RYR3: variants seen among roughly 807,000 people sequenced by gnomAD.
RYR3 encodes the protein brain ryanodine receptor-calcium release channel.
RYR3 carries 207 observed loss-of-function variants against 584.3 expected under a neutral mutation model. The observed-to-expected ratio is 0.35, with a 90% CI of 0.32 to 0.40. RYR3 has a LOEUF of 0.40. RYR3 is among the 10% of genes least tolerant of loss of function. RYR3 has a pLI of 1.00. For missense variants in RYR3, 5,616 were observed against 6,089.2 expected (o/e 0.92, Z 2.59); for synonymous variants, 2,416 against 2,248.5 (o/e 1.07, Z -2.11).
rs563614497 is a variant in RYR3, at chr15:33,588,000, G to A, written c.1788+1884G>A. On this transcript the variant is annotated intron_variant, in intron 16 of 103. Transcript: ENST00000634891. ...TCTCTGACTAATCCACTTAGTTTTC[G>A]GTGAAGACAATGACTCAAAATATGC... Among the ~76,000 whole-genome samples the A allele has an allele frequency of 9.2e-5, 14 of 152,200 alleles. No homozygotes were observed. In the East Asian group the frequency reaches 2.1e-3, roughly 23 times the overall value.
intron 28 of RYR3, among the ~76,000 whole-genome samples, chr15:33,645,154 G>T (rs74005921): frequency 6.6e-6 from 1 of 152,154 alleles, no homozygotes; most frequent in Non-Finnish European, 1.5e-5. Context: ...GTGTTGCCAG[G>T]ATTTTAAGCT....
intron 1 of RYR3, among the ~76,000 whole-genome samples, chr15:33,406,936 A>G (rs549792875): frequency 6.6e-6 from 1 of 152,238 alleles, no homozygotes; most frequent in South Asian, 2.1e-4. Context: ...TATGCAATTT[A>G]TAAACAATAG....
chr15:33,766,575 A>C (rs532945007), intron 60 of RYR3, among the ~76,000 whole-genome samples: 4 of 152,196 alleles, frequency 2.6e-5, no homozygotes, highest in African/African-American at 9.7e-5. Flanking sequence ...TTAGATTATT[A>C]ATTCATGGAA....
At chr15:33,786,004 G>T (rs1396399397) in intron 66 of RYR3, 22 bp downstream of exon 66, 2 of 1,513,134 alleles carry the variant, frequency 1.3e-6, no homozygotes, top group East Asian at 4.6e-5. Context: ...TTTCTCCCCA[G>T]TCCCCAGCCC....
chr15:33,392,611 A>G (rs542861644), intron 1 of RYR3, among the ~76,000 whole-genome samples: 1 of 152,252 alleles, frequency 6.6e-6, no homozygotes, highest in African/African-American at 2.4e-5. Flanking sequence ...TACTCCCTGC[A>G]TCATTAACTC....
chr15:33,697,285 A>T (rs1313683215), intron 39 of RYR3, among the ~76,000 whole-genome samples: 1 of 152,152 alleles, frequency 6.6e-6, no homozygotes, highest in African/African-American at 2.4e-5. Flanking sequence ...AAATGAAGCG[A>T]CTTTTATGGG....
intron 64 of RYR3, among the ~76,000 whole-genome samples, chr15:33,777,372 C>T (rs1413489677): frequency 1.3e-5 from 2 of 152,208 alleles, no homozygotes; most frequent in Admixed American, 1.3e-4. Context: ...AGCTCAATCC[C>T]TCCTTGGGCT....
At chr15:33,454,950 A>G (rs2676085) in intron 1 of RYR3, among the ~76,000 whole-genome samples, 92,696 of 152,016 alleles carry the variant, frequency 0.61, 28,309 homozygotes, top group Middle Eastern at 0.67. Flanking sequence ...AGTTTTAAGC[A>G]ATGTAGTGAG....
chr15:33,314,773 G>A (rs1333363582), intron 1 of RYR3, among the ~76,000 whole-genome samples: 4 of 152,236 alleles, frequency 2.6e-5, no homozygotes, highest in Middle Eastern at 6.8e-3. Flanking sequence ...AATTAGCCGG[G>A]CGTGGTGGTG....
rs1762614819 is a variant in RYR3 at position 33,750,271 on chromosome 15, G to A, written c.8384G>A (p.Gly2795Asp). The stretch of plus-strand genomic sequence containing the variant: ...CTGTTTAAGTTCCTCCAAGTGAATG[G>A]CATCATAGTTTCCAGGTAAGTCACC... ...QDLFKFLQVNGIIVSRGMKDM... is the reference protein window; with the variant it reads ...QDLFKFLQVNDIIVSRGMKDM... Residue 2795 changes from glycine to aspartate, a missense_variant, in exon 57 of 104, where the codon GGC becomes GAC. Gly to Asp is a moderately conservative substitution (Grantham distance 94). This residue lies in a region of RYR3 where 1,280 missense variants were observed against 1,426.2 expected (regional missense o/e 0.90). Coordinates refer to ENST00000634891, the MANE Select transcript of RYR3 (RefSeq NM_001036.6). 8.1e-6 allele frequency: 13 copies of A among 1,610,830 alleles called. No homozygotes were observed. Among genetic ancestry groups the A allele is most frequent in the South Asian group, 1.1e-5 (1 of 90,136 alleles).
intron 43 of RYR3, chr15:33,722,449 T>C: frequency 2.1e-6 from 1 of 471,068 alleles, no homozygotes; most frequent in Non-Finnish European, 3.7e-6. Context: ...CAAAGCCACC[T>C]TTTTCTCCAT....
chr15:33,646,670 G>A, intron 29 of RYR3, 144 bp downstream of exon 29: 2 of 712,112 alleles, frequency 2.8e-6, no homozygotes, highest in Non-Finnish European at 4.6e-6. Flanking sequence ...AAATGAGAAT[G>A]TATGTGCACG....
At chr15:33,536,730 T>A (rs1054409875) in intron 5 of RYR3, among the ~76,000 whole-genome samples, 4 of 152,244 alleles carry the variant, frequency 2.6e-5, no homozygotes, top group Admixed American at 6.5e-5. Context: ...ATTGAAGTAG[T>A]ACTCACACAT....
chr15:33,499,400 CT>C (rs1346041916), intron 2 of RYR3, among the ~76,000 whole-genome samples: 1 of 151,908 alleles, frequency 6.6e-6, no homozygotes, highest in Non-Finnish European at 1.5e-5. Flanking sequence ...CACATGTTTT[CT>C]TACCTCTGGG....
At position 33,543,665 on chromosome 15, in the gene RYR3, T is replaced by A; in HGVS notation, c.690T>A (p.His230Gln). The A allele has an allele frequency of 6.2e-7, 1 of 1,613,062 alleles. No homozygotes were observed. The highest frequency in any genetic ancestry group is 8.5e-7 in the Non-Finnish European group (1 of 1,179,132). Reference protein sequence around the residue: ...GGHVVRLFHGHDECLTIPSTD... With the variant: ...GGHVVRLFHGQDECLTIPSTD... ...ATGTAGTACGTCTTTTCCATGGTCA[T>A]GATGAATGTTTGACGATACCATCTA... Residue 230 changes from histidine to glutamine, a missense_variant, in exon 8 of 104, where the codon CAT (histidine) becomes CAA (glutamine). This residue lies in a region of RYR3 where 1,284 missense variants were observed against 1,344.6 expected (regional missense o/e 0.95). Coordinates refer to ENST00000634891, the MANE Select transcript of RYR3 (RefSeq NM_001036.6).
intron 72 of RYR3, 70 bp downstream of exon 72, chr15:33,811,107 C>A (rs1252030654): frequency 3.2e-6 from 4 of 1,266,654 alleles, no homozygotes; most frequent in Non-Finnish European, 4.5e-6. Context: ...CAGCTTTTCA[C>A]TTCATTTACT....
At chr15:33,658,673 C>A (rs1365376167) in intron 32 of RYR3, among the ~76,000 whole-genome samples, 1 of 152,202 alleles carries the variant, frequency 6.6e-6, no homozygotes, top group Non-Finnish European at 1.5e-5. Context: ...TGTGAGCAGA[C>A]TTTATGTAGT....
chr15:33,670,439 G>A lies in RYR3; in HGVS notation c.5743G>A (p.Glu1915Lys). 6.2e-7 allele frequency: 1 copy of A among 1,613,820 alleles called. No individual in the cohort carries two copies. Among genetic ancestry groups the A allele is most frequent in the Non-Finnish European group, 8.5e-7 (1 of 1,179,822 alleles). The change falls in exon 38 of 104, where the codon GAA (glutamate) becomes AAA (lysine). Residue 1915 changes from glutamate to lysine, a missense_variant. By Grantham distance (56) the Glu-to-Lys change is moderately conservative. This residue lies in a region of RYR3 where 1,280 missense variants were observed against 1,426.2 expected (regional missense o/e 0.90). Coordinates refer to ENST00000634891, the MANE Select transcript of RYR3 (RefSeq NM_001036.6). ...GCTAGGGGTTCCTTTGGAAGAAGAG[G>A]AAGAGGAGGAGGAGGACACCTCCTG... ...LHCGVPLEEE[E>K]EEEEDTSWTG... is the part of the protein sequence containing the mutation.
chr15:33,584,072 CA>C, intron 14 of RYR3, among the ~76,000 whole-genome samples: 1 of 150,970 alleles, frequency 6.6e-6, no homozygotes, highest in Middle Eastern at 3.4e-3. Context: ...AACAAACAAA[CA>C]AAAAAAACTT....
Sources: gnomAD v4.1 joint callset for allele counts (sites outside exome capture counted in the v4.1 genomes callset) on GRCh38, gnomAD v4.1.1 for gene constraint, gnomAD v4.1.1 regional missense constraint, MANE v1.5 for transcripts, NCBI Gene and HGNC (gene_info 2026-07-23, HGNC 2026-07-21) for gene names.